UBE2H: variants seen among roughly 807,000 people sequenced by gnomAD.
UBE2H encodes ubiquitin conjugating enzyme E2 H.
UBE2H carries 3 observed loss-of-function variants against 29.0 expected under a neutral mutation model. The observed-to-expected ratio is 0.10, with a 90% CI of 0.05 to 0.27. The LOEUF (loss-of-function observed/expected upper bound fraction) is 0.27, where lower values mean the gene tolerates loss of function less well. Ranked by LOEUF, UBE2H falls within the 10% of genes least tolerant of loss-of-function variation. The probability of loss-of-function intolerance (pLI) is 1.00; values close to 1 mark genes in which losing one functional copy is unlikely to be tolerated. For missense variants in UBE2H, 68 were observed against 228.2 expected (o/e 0.30, Z 4.52); for synonymous variants, 69 against 82.9 (o/e 0.83, Z 0.91).
intron 1 of UBE2H, among the ~76,000 whole-genome samples, chr7:129,908,731 C>G (rs1161159032): frequency 6.6e-6 from 1 of 152,146 alleles, no homozygotes; most frequent in Non-Finnish European, 1.5e-5. Flanking sequence ...CAAATGAGCA[C>G]CACCTTCAAA....
intron 5 of UBE2H, chr7:129,857,228 C>T (rs1805722083): frequency 2.7e-6 from 1 of 370,324 alleles, no homozygotes; most frequent in South Asian, 6.6e-5. Flanking sequence ...AAAATGTTTG[C>T]ACATGTATTC....
chr7:129,911,033 G>A (rs1256554020), intron 1 of UBE2H, among the ~76,000 whole-genome samples: 3 of 152,026 alleles, frequency 2.0e-5, no homozygotes, highest in Non-Finnish European at 4.4e-5. Flanking sequence ...TCAAACAGTG[G>A]TGGTCGCAAT....
chr7:129,925,884 T>C (rs1378380505), intron 1 of UBE2H, among the ~76,000 whole-genome samples: 1 of 152,196 alleles, frequency 6.6e-6, no homozygotes, highest in Non-Finnish European at 1.5e-5. Flanking sequence ...CCCGCCCTTA[T>C]CTGCCTCCCT....
chr7:129,878,828 T>C (rs1332646435), intron 3 of UBE2H, among the ~76,000 whole-genome samples: 1 of 148,180 alleles, frequency 6.7e-6, no homozygotes, highest in East Asian at 2.0e-4. Flanking sequence ...TTCAATATTT[T>C]ATAATATTTT....
At chr7:129,944,499 T>C (rs1807714781) in intron 1 of UBE2H, among the ~76,000 whole-genome samples, 1 of 152,164 alleles carries the variant, frequency 6.6e-6, no homozygotes, top group Non-Finnish European at 1.5e-5. Context: ...CTTACATCTG[T>C]AATCCCAGCA....
intron 3 of UBE2H, among the ~76,000 whole-genome samples, chr7:129,877,158 A>G (rs1806162714): frequency 6.6e-6 from 1 of 152,220 alleles, no homozygotes; most frequent in East Asian, 1.9e-4. Context: ...AAACACACAA[A>G]ATAGAACAAA....
At chr7:129,944,738 ACACACACACACACGCACG>A (rs1364075936) in intron 1 of UBE2H, among the ~76,000 whole-genome samples, 1 of 136,628 alleles carries the variant, frequency 7.3e-6, no homozygotes, top group Non-Finnish European at 1.6e-5. Flanking sequence ...ACACACACAC[ACACACACACACACGCACG>A]CACGCACGCG....
intron 5 of UBE2H, 173 bp downstream of exon 5, chr7:129,857,338 T>G: frequency 1.6e-6 from 1 of 633,730 alleles, no homozygotes; most frequent in Non-Finnish European, 2.7e-6. Flanking sequence ...TAAACTGATA[T>G]ATTTGTACTT....
At chr7:129,845,496 T>C (rs2116283107) in intron 5 of UBE2H, among the ~76,000 whole-genome samples, 1 of 152,338 alleles carries the variant, frequency 6.6e-6, no homozygotes, top group Non-Finnish European at 1.5e-5. Context: ...CCCTTCCCAC[T>C]TTCTTTTCTG....
At chr7:129,951,586 AAGGGCTCTT>A (rs1488502828) in intron 1 of UBE2H, among the ~76,000 whole-genome samples, 1 of 152,168 alleles carries the variant, frequency 6.6e-6, no homozygotes, top group African/African-American at 2.4e-5. Flanking sequence ...CCACTGCCTG[AAGGGCTCTT>A]ATCAGTTATA....
At chr7:129,893,612 A>G (rs1374018920) in intron 1 of UBE2H, among the ~76,000 whole-genome samples, 1 of 152,226 alleles carries the variant, frequency 6.6e-6, no homozygotes. Flanking sequence ...AACAAAAAAT[A>G]AGATTTTGAG....
rs181496939 is a variant in UBE2H at position 129,903,181 on chromosome 7, T to C, written c.54-22210A>G. Among the ~76,000 whole-genome samples the C allele has an allele frequency of 5.0e-4, 76 of 152,318 alleles. 2 individuals are homozygous for C. The Middle Eastern group carries it at 0.01, about 20-fold the overall frequency. On this transcript the variant is annotated intron_variant, in intron 1 of 6. Coordinates refer to ENST00000355621, the MANE Select transcript of UBE2H (RefSeq NM_003344.4). Reference sequence around the variant, plus strand: ...TAGTTTAAAGCACAATCCACAAAGTTCAAAAACTGTACTCATATAAGCTTA... The same window carrying C: ...TAGTTTAAAGCACAATCCACAAAGTCCAAAAACTGTACTCATATAAGCTTA...
chr7:129,916,273 C>T (rs1464971), intron 1 of UBE2H, among the ~76,000 whole-genome samples: 9,631 of 152,118 alleles, frequency 0.063, 364 homozygotes, highest in Non-Finnish European at 0.091. Flanking sequence ...CTAAGAAAAA[C>T]AGGAAAACAG....
At chr7:129,929,399 C>T (rs1007352981) in intron 1 of UBE2H, among the ~76,000 whole-genome samples, 1 of 151,722 alleles carries the variant, frequency 6.6e-6, no homozygotes, top group South Asian at 2.1e-4. Context: ...CAGTATGTTT[C>T]CTTCTCCTCT....
At position 129,870,858 on chromosome 7, in the gene UBE2H, G is replaced by A. The variant is rs761463919; in HGVS notation, c.205+8710C>T. Among the ~76,000 whole-genome samples, 7 of 151,684 alleles carry A rather than the reference G, an allele frequency of 4.6e-5. No homozygotes were observed. The East Asian group carries it at 1.3e-3, about 29-fold the overall frequency. ...CTCAACCCTGCCTGCCACTTGGCCC[G>A]TGTGTCACACACCTCACATTTTACC... On this transcript the variant is annotated intron_variant, in intron 3 of 6. Coordinates refer to ENST00000355621, the MANE Select transcript of UBE2H (RefSeq NM_003344.4).
At chr7:129,906,169 G>A (rs766303346) in intron 1 of UBE2H, among the ~76,000 whole-genome samples, 1 of 151,806 alleles carries the variant, frequency 6.6e-6, no homozygotes, top group Non-Finnish European at 1.5e-5. Flanking sequence ...CAAGAGATAA[G>A]GATGAACTGT....
intron 3 of UBE2H, among the ~76,000 whole-genome samples, chr7:129,862,052 C>A (rs1805813617): frequency 6.6e-6 from 1 of 152,034 alleles, no homozygotes; most frequent in African/African-American, 2.4e-5. Flanking sequence ...ATTACCCTCC[C>A]CCTAAAATCA....
chr7:129,947,246 C>T (rs1387822429), intron 1 of UBE2H, among the ~76,000 whole-genome samples: 1 of 152,166 alleles, frequency 6.6e-6, no homozygotes, highest in Non-Finnish European at 1.5e-5. Flanking sequence ...AAAATAAGTA[C>T]CAGTATGTTA....
At chr7:129,928,688 G>C (rs1807323066) in intron 1 of UBE2H, among the ~76,000 whole-genome samples, 1 of 152,204 alleles carries the variant, frequency 6.6e-6, no homozygotes, top group African/African-American at 2.4e-5. Flanking sequence ...ACACAAAGAA[G>C]TGATAAATAA....
Sources: gnomAD v4.1 joint callset for allele counts (sites outside exome capture counted in the v4.1 genomes callset) on GRCh38, gnomAD v4.1.1 for gene constraint, MANE v1.5 for transcripts, NCBI Gene and HGNC (gene_info 2026-07-23, HGNC 2026-07-21) for gene names.